MLLT3: variants seen among roughly 807,000 people sequenced by gnomAD.
The protein encoded by MLLT3 is protein AF-9.
A neutral mutation model predicts 53.2 loss-of-function variants in MLLT3; 4 were observed. The ratio of observed to expected loss-of-function variants is 0.08; its 90% CI spans 0.04 to 0.17. MLLT3 has a LOEUF of 0.17. Ranked by LOEUF, MLLT3 falls within the 10% of genes least tolerant of loss-of-function variation. The probability of loss-of-function intolerance (pLI) is 1.00; values close to 1 mark genes in which losing one functional copy is unlikely to be tolerated. For missense variants in MLLT3, 569 were observed against 684.0 expected, an observed-to-expected ratio of 0.83 and a Z score of 1.87; for synonymous variants, 283 against 230.6, an observed-to-expected ratio of 1.23 and a Z score of -2.06.
In MLLT3 at chr9:20,429,616, C is replaced by G. The variant is rs145850860; in HGVS notation, c.421-15191G>C. Among the ~76,000 whole-genome samples, 485 of 152,184 alleles carry G rather than the reference C, an allele frequency of 3.2e-3. 10 individuals are homozygous for G. Among genetic ancestry groups the G allele is most frequent in the Non-Finnish European group, 5.6e-4 (38 of 68,000 alleles). ...GGTTTAATCCCAAAATTCAAGAGTA[C>G]TTTGGCGTGACAAAAATGCTTGTCA... On this transcript the variant is annotated intron_variant, in intron 4 of 10. Coordinates refer to ENST00000380338, the MANE Select transcript of MLLT3 (RefSeq NM_004529.4).
At position 20,413,994 on chromosome 9, in the gene MLLT3, C is replaced by A; in HGVS notation, c.852G>T (p.Arg284Ser). The A allele has an allele frequency of 6.2e-7, 1 of 1,614,126 alleles. No homozygotes were observed. The highest frequency in any genetic ancestry group is 8.5e-7 in the Non-Finnish European group (1 of 1,180,020). Residue 284 changes from arginine (R) to serine (S), a missense_variant, in exon 5 of 11, where the codon AGG becomes AGT. Physicochemically the swap from Arg to Ser is moderately radical, Grantham distance 110. This residue lies in a region of MLLT3 where 437 missense variants were observed against 376.5 expected (regional missense o/e 1.16). Transcript: ENST00000380338. ...SGQDKKAPSK[R>S]PPISDSEELS... ...GTTCTTCAGAATCTGAAATGGGCGG[C>A]CTTTTACTAGGAGCCTTCTTATCTT...
chr9:20,528,923 C>T (rs1818264333), intron 2 of MLLT3, among the ~76,000 whole-genome samples: 2 of 152,036 alleles, frequency 1.3e-5, no homozygotes, highest in Admixed American at 6.6e-5. Flanking sequence ...TATACAAGGC[C>T]CCAACTGTAG....
chr9:20,402,010 T>G (rs1822468343), intron 5 of MLLT3, among the ~76,000 whole-genome samples: 1 of 152,072 alleles, frequency 6.6e-6, no homozygotes, highest in Non-Finnish European at 1.5e-5. Flanking sequence ...TGGTAACAGG[T>G]GATTGTCCAG....
chr9:20,512,045 C>G (rs768925378), intron 2 of MLLT3, among the ~76,000 whole-genome samples: 1 of 152,194 alleles, frequency 6.6e-6, no homozygotes, highest in Non-Finnish European at 1.5e-5. Flanking sequence ...GCCCCCAAGT[C>G]TGAGCTGAAG....
At position 20,469,724 on chromosome 9, in the gene MLLT3, G is replaced by GAA. The variant is rs35047538; in HGVS notation, c.194-12940_194-12939dup. 1.2e-3 allele frequency among the ~76,000 whole-genome samples: 171 copies of GAA among 137,860 alleles called. 1 individual carries two copies. The East Asian group carries it at 0.014, about 12-fold the overall frequency. 90.4% of individuals were successfully genotyped at this position (137,860 alleles called of 152,430 possible). A position where few individuals can be genotyped will look rare whatever the true frequency, so the allele number is the denominator to read the frequency against. ...GTGTTCACTAATTCGGTGCAATCAG[G>GAA]AAAAAAAAAAAAAAAATCTCTCTTC... On this transcript the variant is annotated intron_variant, in intron 2 of 10. Transcript: ENST00000380338.
chr9:20,548,183 C>T (rs1014555003), intron 2 of MLLT3, among the ~76,000 whole-genome samples: 1 of 152,224 alleles, frequency 6.6e-6, no homozygotes, highest in Non-Finnish European at 1.5e-5. Flanking sequence ...GAATTCAATT[C>T]TCTAATCTAA....
intron 4 of MLLT3, among the ~76,000 whole-genome samples, chr9:20,424,384 T>C (rs1276598026): frequency 1.3e-5 from 2 of 152,196 alleles, no homozygotes; most frequent in Non-Finnish European, 2.9e-5. Flanking sequence ...ATGCTTCCAA[T>C]TATTTCAAAG....
chr9:20,610,582 CT>C (rs2131207631), intron 2 of MLLT3, among the ~76,000 whole-genome samples: 1 of 152,182 alleles, frequency 6.6e-6, no homozygotes, highest in African/African-American at 2.4e-5. Flanking sequence ...CAATACCTGC[CT>C]TTATACGGTT....
rs931741901 is a variant in MLLT3, at chr9:20,554,098, G to A, written c.193+66556C>T. Reference sequence around the variant, plus strand: ...GTTCCAAATACTGTTTGTTCAAACTGAATCAATTTCATATTTAGGATTTTT... The same window carrying A: ...GTTCCAAATACTGTTTGTTCAAACTAAATCAATTTCATATTTAGGATTTTT... On this transcript the variant is annotated intron_variant, in intron 2 of 10. Transcript: ENST00000380338. Among the ~76,000 whole-genome samples the A allele has an allele frequency of 3.3e-5, 5 of 152,190 alleles. No homozygotes were observed. In the South Asian group the frequency reaches 1.0e-3, roughly 32 times the overall value.
chr9:20,494,974 T>G (rs181098132), intron 2 of MLLT3, among the ~76,000 whole-genome samples: 6 of 152,112 alleles, frequency 3.9e-5, no homozygotes, highest in Non-Finnish European at 7.4e-5. Flanking sequence ...GGATGAGAGG[T>G]TGGCTTTTAA....
intron 9 of MLLT3, among the ~76,000 whole-genome samples, chr9:20,354,522 T>C (rs955544819): frequency 1.3e-5 from 2 of 152,188 alleles, no homozygotes; most frequent in East Asian, 3.9e-4. Context: ...TAATATTCTA[T>C]CTCTACCACA....
In MLLT3 at chr9:20,621,939, G is replaced by A; in HGVS notation, c.12+306C>T. The A allele has an allele frequency of 2.2e-6, 3 of 1,388,532 alleles. No individual in the cohort carries two copies. The highest frequency in any genetic ancestry group is 3.3e-5 in the South Asian group (2 of 61,040). The allele number at this position is 1,388,532 out of a possible 1,614,324, so 86.0% of individuals were successfully genotyped here. A position where few individuals can be genotyped will look rare whatever the true frequency, so the allele number is the denominator to read the frequency against. ...TGTGTGTGAGTGCGCGCGTGTGAGC[G>A]AGAGGGAGTGTGTGAGTGCGCTTCT... On this transcript the variant is annotated intron_variant, in intron 1 of 10. Coordinates refer to ENST00000380338, the MANE Select transcript of MLLT3 (RefSeq NM_004529.4). The surrounding 1 kb of genome is among the most constrained non-coding windows in gnomAD (Gnocchi z 7.0).
In MLLT3 at chr9:20,384,867, A is replaced by C. The variant is rs549135805; in HGVS notation, c.1126-19123T>G. 2.7e-4 allele frequency among the ~76,000 whole-genome samples: 41 copies of C among 152,184 alleles called. No homozygotes were observed. The South Asian group carries it at 7.0e-3, about 26-fold the overall frequency. On this transcript the variant is annotated intron_variant, in intron 5 of 10. Coordinates refer to ENST00000380338, the MANE Select transcript of MLLT3 (RefSeq NM_004529.4). Reference sequence around the variant, plus strand: ...CTGCCAAACCAAATTTGACTCACTAAGTGTACAGAAAATATAGCACTCCCC... The same window carrying C: ...CTGCCAAACCAAATTTGACTCACTACGTGTACAGAAAATATAGCACTCCCC...
intron 2 of MLLT3, among the ~76,000 whole-genome samples, chr9:20,565,970 A>ATT (rs1262456788): frequency 1.4e-4 from 4 of 28,642 alleles, no homozygotes; most frequent in African/African-American, 2.7e-4. Context: ...ATATATATTT[A>ATT]TATATATATA....
At chr9:20,615,140 T>G (rs1820794744) in intron 2 of MLLT3, among the ~76,000 whole-genome samples, 1 of 151,670 alleles carries the variant, frequency 6.6e-6, no homozygotes, top group South Asian at 2.1e-4. Flanking sequence ...GCCCAGGAGT[T>G]GGAGACCAGT....
rs915280117 is a variant in MLLT3 at position 20,448,646 on chromosome 9, C to G, written c.277-380G>C. Among the ~76,000 whole-genome samples, 1 of 152,142 alleles carries G rather than the reference C, an allele frequency of 6.6e-6. No individual in the cohort carries two copies. The highest frequency in any genetic ancestry group is 1.5e-5 in the Non-Finnish European group (1 of 68,020). The stretch of plus-strand genomic sequence containing the variant: ...TCCATAAATATTTCTTCAACAAGCC[C>G]TCTAACTCTTACTACTAGGCTTTTA... On this transcript the variant is annotated intron_variant, in intron 3 of 10. Coordinates refer to ENST00000380338, the MANE Select transcript of MLLT3 (RefSeq NM_004529.4). The surrounding 1 kb of genome is among the most constrained non-coding windows in gnomAD (Gnocchi z 4.0).
intron 4 of MLLT3, among the ~76,000 whole-genome samples, chr9:20,437,776 G>C (rs1408457046): frequency 6.6e-6 from 1 of 152,082 alleles, no homozygotes; most frequent in African/African-American, 2.4e-5. Context: ...CTTTGCCAAA[G>C]TATTCAGAGC....
chr9:20,438,157 C>T (rs1371086030), intron 4 of MLLT3, among the ~76,000 whole-genome samples: 2 of 152,202 alleles, frequency 1.3e-5, no homozygotes, highest in African/African-American at 4.8e-5. Context: ...ACTCTGATAA[C>T]AAATTTTCAA....
intron 5 of MLLT3, among the ~76,000 whole-genome samples, chr9:20,369,904 T>C (rs1183669184): frequency 1.3e-5 from 2 of 152,202 alleles, no homozygotes; most frequent in African/African-American, 2.4e-5. Context: ...TCTGTATACA[T>C]GTAGGGCGTG....
Sources: allele counts gnomAD v4.1 joint callset (sites outside exome capture counted in the v4.1 genomes callset), GRCh38; gene constraint gnomAD v4.1.1; regional missense constraint gnomAD v4.1.1; non-coding constraint Gnocchi (gnomAD v3.1); transcripts MANE v1.5; gene names NCBI Gene and HGNC (gene_info 2026-07-23, HGNC 2026-07-21).